Variants in SYNDIG1 observed in about 807,000 individuals in gnomAD.
SYNDIG1 encodes the protein synapse differentiation inducing 1.
SYNDIG1 carries 9 observed loss-of-function variants against 19.4 expected under a neutral mutation model. That is an observed-to-expected ratio of 0.46 (90% CI 0.28 to 0.81). The LOEUF (loss-of-function observed/expected upper bound fraction) is 0.81. SYNDIG1 is among the 30% of genes least tolerant of loss of function. The probability of loss-of-function intolerance (pLI) is 0.12; values close to 1 mark genes in which losing one functional copy is unlikely to be tolerated. For missense variants in SYNDIG1, 311 were observed against 343.3 expected (o/e 0.91, Z 0.74); for synonymous variants, 141 against 145.9 (o/e 0.97, Z 0.24).
chr20:24,661,801 G>A (rs1215486439), intron 3 of SYNDIG1, among the ~76,000 whole-genome samples: 1 of 152,072 alleles, frequency 6.6e-6, no homozygotes, highest in Non-Finnish European at 1.5e-5. Flanking sequence ...GAAGGAAGCA[G>A]GGCCTAGAAC....
At chr20:24,562,168 C>T (rs1777957314) in intron 2 of SYNDIG1, among the ~76,000 whole-genome samples, 1 of 152,038 alleles carries the variant, frequency 6.6e-6, no homozygotes, top group Non-Finnish European at 1.5e-5. Flanking sequence ...GGATCACTCA[C>T]ACAAAGGAAT....
intron 1 of SYNDIG1, among the ~76,000 whole-genome samples, chr20:24,492,726 C>T (rs2056191989): frequency 6.6e-6 from 1 of 152,230 alleles, no homozygotes; most frequent in African/African-American, 2.4e-5. Context: ...GGGAGGGGCC[C>T]AGCACCCAGC....
At chr20:24,503,069 A>G (rs1266055762) in intron 1 of SYNDIG1, among the ~76,000 whole-genome samples, 1 of 152,210 alleles carries the variant, frequency 6.6e-6, no homozygotes, top group Admixed American at 6.5e-5. Flanking sequence ...GGACAGATTC[A>G]TGGTCAGGGT....
At chr20:24,538,766 A>G (rs1412101281) in intron 1 of SYNDIG1, among the ~76,000 whole-genome samples, 1 of 109,746 alleles carries the variant, frequency 9.1e-6, no homozygotes, top group Non-Finnish European at 1.9e-5. Context: ...AACACTTGTT[A>G]TTTTCCGTTT....
chr20:24,535,648 C>T (rs2057346190), intron 1 of SYNDIG1, among the ~76,000 whole-genome samples: 1 of 152,052 alleles, frequency 6.6e-6, no homozygotes, highest in South Asian at 2.1e-4. Context: ...GAAGATTGCA[C>T]AATTGTTTTG....
At chr20:24,559,038 T>C (rs777655702) in intron 2 of SYNDIG1, among the ~76,000 whole-genome samples, 50 of 152,218 alleles carry the variant, frequency 3.3e-4, no homozygotes, top group Non-Finnish European at 5.9e-4. Context: ...CTCTCATATG[T>C]TTATTGCAGC....
chr20:24,475,022 C>A (rs147454199), intron 1 of SYNDIG1, among the ~76,000 whole-genome samples: 27 of 152,302 alleles, frequency 1.8e-4, no homozygotes, highest in South Asian at 1.7e-3. Context: ...GGAACCACCC[C>A]CCATGCCCCC....
intron 3 of SYNDIG1, among the ~76,000 whole-genome samples, chr20:24,640,508 A>AGGAG (rs2059365009): frequency 6.9e-6 from 1 of 145,648 alleles, no homozygotes; most frequent in Non-Finnish European, 1.6e-5. Flanking sequence ...GAAGGAAGGA[A>AGGAG]GGAAGGAAGG....
chr20:24,539,168 T>C (rs1486730035), intron 1 of SYNDIG1, among the ~76,000 whole-genome samples: 1 of 152,246 alleles, frequency 6.6e-6, no homozygotes, highest in African/African-American at 2.4e-5. Flanking sequence ...AAGAAATCAT[T>C]GACAAATCCA....
intron 2 of SYNDIG1, among the ~76,000 whole-genome samples, chr20:24,572,187 G>C (rs1191973537): frequency 6.6e-6 from 1 of 152,210 alleles, no homozygotes; most frequent in African/African-American, 2.4e-5. Context: ...GTCAGTCATT[G>C]GCTTTCTGTG....
intron 1 of SYNDIG1, among the ~76,000 whole-genome samples, chr20:24,480,289 G>A (rs978560492): frequency 1.3e-5 from 2 of 152,164 alleles, no homozygotes; most frequent in African/African-American, 2.4e-5. Context: ...CAATCAGAAT[G>A]CCAATATTAT....
intron 3 of SYNDIG1, among the ~76,000 whole-genome samples, chr20:24,632,443 T>C (rs996294683): frequency 3.3e-5 from 5 of 152,114 alleles, no homozygotes; most frequent in African/African-American, 7.2e-5. Context: ...TTTCACCACG[T>C]TGGCCAGGCT....
intron 2 of SYNDIG1, among the ~76,000 whole-genome samples, chr20:24,550,630 T>C (rs1243122862): frequency 6.6e-6 from 1 of 151,940 alleles, no homozygotes; most frequent in Non-Finnish European, 1.5e-5. Context: ...TGCCTCAGCC[T>C]CCCGAGTAGC....
chr20:24,634,590 T>C (rs1428546498), intron 3 of SYNDIG1, among the ~76,000 whole-genome samples: 1 of 152,346 alleles, frequency 6.6e-6, no homozygotes, highest in South Asian at 2.1e-4. Flanking sequence ...TCAGTTTCAG[T>C]TTGTGTTTCA....
intron 1 of SYNDIG1, among the ~76,000 whole-genome samples, chr20:24,516,061 C>G: frequency 6.6e-6 from 1 of 152,154 alleles, no homozygotes; most frequent in Non-Finnish European, 1.5e-5. Context: ...TGATCTTTGA[C>G]AAACCTGACA....
chr20:24,491,827 A>G, intron 1 of SYNDIG1: 1 of 152,260 alleles, frequency 6.6e-6, no homozygotes, highest in East Asian at 1.9e-4. Flanking sequence ...GATTTGTGTC[A>G]TGCACTTTCT....
chr20:24,491,379 C>T (rs2056143496), intron 1 of SYNDIG1: 1 of 152,268 alleles, frequency 6.6e-6, no homozygotes. Flanking sequence ...CGAACAACGC[C>T]AATTCACTTG....
chr20:24,572,257 A>G (rs943567051), intron 2 of SYNDIG1, among the ~76,000 whole-genome samples: 2 of 152,320 alleles, frequency 1.3e-5, no homozygotes, highest in South Asian at 4.1e-4. Flanking sequence ...TAGTTTGGAA[A>G]ATACTCAAAT....
At chr20:24,634,139 C>T (rs1267955876) in intron 3 of SYNDIG1, among the ~76,000 whole-genome samples, 2 of 152,190 alleles carry the variant, frequency 1.3e-5, no homozygotes, top group Admixed American at 6.5e-5. Context: ...CAGGGGGACC[C>T]CGTCTTTCTG....
Sources: gnomAD v4.1 joint callset for allele counts (sites outside exome capture counted in the v4.1 genomes callset) on GRCh38, gnomAD v4.1.1 for gene constraint, MANE v1.5 for transcripts, NCBI Gene and HGNC (gene_info 2026-07-23, HGNC 2026-07-21) for gene names.